The following DUSP16 variants were observed in gnomAD, a reference collection of about 807,000 sequenced individuals.
The protein encoded by DUSP16 is dual specificity phosphatase 16.
Under a neutral mutation model 58.3 loss-of-function variants are expected in DUSP16, and 21 were observed. The observed-to-expected ratio is 0.36, with a 90% CI of 0.26 to 0.52. The LOEUF (loss-of-function observed/expected upper bound fraction) is 0.52, where lower values mean the gene tolerates loss of function less well. Among genes scored for constraint, DUSP16 ranks in the 20% least tolerant of loss-of-function variants. The pLI is 0.94. For missense variants in DUSP16, 726 were observed against 819.0 expected (o/e 0.89, Z 1.39); for synonymous variants, 320 against 323.8 (o/e 0.99, Z 0.12).
intron 1 of DUSP16, among the ~76,000 whole-genome samples, chr12:12,526,575 C>T (rs1042124286): frequency 5.9e-5 from 9 of 152,164 alleles, no homozygotes; most frequent in Non-Finnish European, 5.9e-5. Flanking sequence ...CCATTAATTA[C>T]TTAAAAGGAA....
At chr12:12,502,482 A>G (rs59092633) in intron 3 of DUSP16, among the ~76,000 whole-genome samples, 24 of 152,186 alleles carry the variant, frequency 1.6e-4, no homozygotes, top group African/African-American at 5.3e-4. Context: ...TGGATCCATT[A>G]TAGAAATCAC....
At chr12:12,505,567 C>G (rs150140521) in intron 3 of DUSP16, among the ~76,000 whole-genome samples, 1 of 152,190 alleles carries the variant, frequency 6.6e-6, no homozygotes, top group East Asian at 1.9e-4. Flanking sequence ...GGTCACCCCC[C>G]ACAGAACAAC....
intron 3 of DUSP16, among the ~76,000 whole-genome samples, chr12:12,507,861 G>A (rs10845565): frequency 0.29 from 44,095 of 152,112 alleles, 7,158 homozygotes; most frequent in Non-Finnish European, 0.35. Flanking sequence ...AGCCCGCCTT[G>A]GCCTCCCAAA....
At chr12:12,505,364 C>G (rs1340591945) in intron 3 of DUSP16, among the ~76,000 whole-genome samples, 1 of 152,194 alleles carries the variant, frequency 6.6e-6, no homozygotes, top group Non-Finnish European at 1.5e-5. Flanking sequence ...TTCCCCAAAG[C>G]TATATCGCTC....
At chr12:12,543,855 T>C (rs991319276) in intron 1 of DUSP16, among the ~76,000 whole-genome samples, 12 of 152,000 alleles carry the variant, frequency 7.9e-5, no homozygotes, top group African/African-American at 2.9e-4. Flanking sequence ...AGGCCAGTTA[T>C]TTGTATTTGT....
intron 6 of DUSP16, among the ~76,000 whole-genome samples, chr12:12,478,698 CA>C: frequency 6.6e-6 from 1 of 152,266 alleles, no homozygotes; most frequent in Admixed American, 6.5e-5. Context: ...GTGCTACCAT[CA>C]AAAGTACAGT....
At chr12:12,497,405 G>A (rs1943844734) in intron 4 of DUSP16, among the ~76,000 whole-genome samples, 1 of 152,002 alleles carries the variant, frequency 6.6e-6, no homozygotes, top group African/African-American at 2.4e-5. Context: ...CCAGAAGATG[G>A]GCATTTTTGG....
intron 1 of DUSP16, among the ~76,000 whole-genome samples, chr12:12,551,608 T>C (rs1371692274): frequency 2.0e-5 from 3 of 152,026 alleles, no homozygotes; most frequent in Non-Finnish European, 4.4e-5. Context: ...ATGAGACTGA[T>C]GGTGATATTA....
chr12:12,477,749 G>A lies in DUSP16; in HGVS notation c.1082C>T (p.Pro361Leu). The change falls in exon 7 of 7, where the codon CCC (proline) becomes CTC (leucine). Residue 361 changes from proline to leucine, a missense_variant. By Grantham distance (98) the Pro-to-Leu change is moderately conservative. Transcript: ENST00000298573. This position sits in a 1 kb window ranked among gnomAD's most constrained non-coding sequence, Gnocchi z 4.1. ...CGACGGCTGCACGCTGGGCACGCTG[G>A]GCACGCTGGCGGGATGCACGGGCCT... ...GQRPVHPASV[P>L]SVPSVQPSLL... 1 of 1,543,740 alleles carries A rather than the reference G, an allele frequency of 6.5e-7. No individual in the cohort carries two copies. Among genetic ancestry groups the A allele is most frequent in the Non-Finnish European group, 8.5e-7 (1 of 1,171,826 alleles).
At chr12:12,523,231 C>T (rs1164831577) in intron 1 of DUSP16, among the ~76,000 whole-genome samples, 1 of 152,192 alleles carries the variant, frequency 6.6e-6, no homozygotes, top group African/African-American at 2.4e-5. Context: ...GTGGCCTCAT[C>T]TCTTCAAATT....
chr12:12,500,766 T>A, intron 3 of DUSP16, 84 bp from the exon 4 acceptor site: 1 of 1,272,352 alleles, frequency 7.9e-7, no homozygotes, highest in Non-Finnish European at 1.0e-6. Context: ...TCAAACAGTT[T>A]AAACCCACGA....
In DUSP16 at chr12:12,546,005, T is replaced by C. The variant is rs147240547; in HGVS notation, c.-366+16112A>G. On this transcript the variant is annotated intron_variant, in intron 1 of 6. Transcript: ENST00000298573. ...TGAATGGAAAAGAACTTGTTATAAATGATATTGATGTAATAACAGTAACAT... is the reference window on the plus strand; with the variant it reads ...TGAATGGAAAAGAACTTGTTATAAACGATATTGATGTAATAACAGTAACAT... Among the ~76,000 whole-genome samples the C allele has an allele frequency of 7.6e-4, 115 of 152,264 alleles. No homozygotes were observed. In the East Asian group the frequency reaches 0.021, roughly 28 times the overall value.
chr12:12,549,212 C>T (rs1944691869), intron 1 of DUSP16, among the ~76,000 whole-genome samples: 1 of 140,574 alleles, frequency 7.1e-6, no homozygotes, highest in African/African-American at 2.5e-5. Flanking sequence ...GGCACTGCTG[C>T]TTTCCCCTGT....
intron 1 of DUSP16, among the ~76,000 whole-genome samples, chr12:12,532,462 A>G (rs1202389223): frequency 6.6e-6 from 1 of 152,232 alleles, no homozygotes; most frequent in Non-Finnish European, 1.5e-5. Flanking sequence ...CATACGATGG[A>G]TATGTATAAA....
intron 3 of DUSP16, among the ~76,000 whole-genome samples, chr12:12,502,669 A>C (rs1229522328): frequency 2.0e-5 from 3 of 150,920 alleles, no homozygotes; most frequent in Non-Finnish European, 4.4e-5. Context: ...CTCCTGCCTC[A>C]GCTTCCTGAG....
rs1944234623 is a variant in DUSP16 at position 12,521,361 on chromosome 12, G to C, written c.-263C>G. ...CATTTGATTCATAAAGAGATGACTG[G>C]AATAACCATTCCACAACAAAAGATG... On this transcript the variant is annotated 5_prime_UTR_variant, in exon 2 of 7. Transcript: ENST00000298573. 1.6e-5 allele frequency: 22 copies of C among 1,346,872 alleles called. No individual in the cohort carries two copies. The highest frequency in any genetic ancestry group is 2.0e-5 in the Non-Finnish European group (21 of 1,046,464). The allele number at this position is 1,346,872 out of a possible 1,614,324, so 83.4% of individuals were successfully genotyped here.
rs1049367615 is a variant in DUSP16 at position 12,560,211 on chromosome 12, C to T, written c.-366+1906G>A. On this transcript the variant is annotated intron_variant, in intron 1 of 6. Transcript: ENST00000298573. ...AAATGAGATATTGTACTTTGAGTTG[C>T]TGATATAGCAGAGGTTAATACTAAA... Among the ~76,000 whole-genome samples, 195 of 151,834 alleles carry T rather than the reference C, an allele frequency of 1.3e-3. 1 individual carries two copies. Among genetic ancestry groups the T allele is most frequent in the Non-Finnish European group, 1.9e-3 (132 of 68,000 alleles).
chr12:12,493,309 A>G (rs1943786748), intron 4 of DUSP16, among the ~76,000 whole-genome samples: 1 of 152,142 alleles, frequency 6.6e-6, no homozygotes, highest in South Asian at 2.1e-4. Context: ...CCTATTGGCT[A>G]TACCTTCAAT....
intron 1 of DUSP16, among the ~76,000 whole-genome samples, chr12:12,558,003 A>C (rs935527402): frequency 6.6e-6 from 1 of 152,230 alleles, no homozygotes; most frequent in Non-Finnish European, 1.5e-5. Context: ...TACCTCCCTG[A>C]GCCCTCTTTC....
Sources: allele counts gnomAD v4.1 joint callset (sites outside exome capture counted in the v4.1 genomes callset), GRCh38; gene constraint gnomAD v4.1.1; non-coding constraint Gnocchi (gnomAD v3.1); transcripts MANE v1.5; gene names NCBI Gene and HGNC (gene_info 2026-07-23, HGNC 2026-07-21).